Variants in SDK1 observed in about 807,000 individuals in gnomAD.
The protein encoded by SDK1 is protein sidekick-1.
A neutral mutation model predicts 245.5 loss-of-function variants in SDK1; 157 were observed. The observed-to-expected ratio is 0.64, with a 90% CI of 0.56 to 0.73. The LOEUF (loss-of-function observed/expected upper bound fraction) is 0.73. Ranked by LOEUF, SDK1 falls within the 30% of genes least tolerant of loss-of-function variation. SDK1 has a pLI of 0.00. For synonymous variants in SDK1, 1,647 were observed against 1,278.5 expected, an observed-to-expected ratio of 1.29 and a Z score of -6.15; for missense variants, 3,583 against 3,002.3, an observed-to-expected ratio of 1.19 and a Z score of -4.52.
chr7:3,478,390 G>A (rs888842690), intron 1 of SDK1, among the ~76,000 whole-genome samples: 2 of 152,006 alleles, frequency 1.3e-5, no homozygotes, highest in East Asian at 1.9e-4. Context: ...ATAAATGAGA[G>A]CTTCATTTTC....
At chr7:3,310,793 A>T (rs1779531569) in intron 1 of SDK1, among the ~76,000 whole-genome samples, 1 of 152,214 alleles carries the variant, frequency 6.6e-6, no homozygotes, top group African/African-American at 2.4e-5. Context: ...CTTGGCATAA[A>T]ATAAAACAAA....
At chr7:3,685,651 A>T (rs1203633068) in intron 4 of SDK1, among the ~76,000 whole-genome samples, 1 of 152,224 alleles carries the variant, frequency 6.6e-6, no homozygotes, top group East Asian at 1.9e-4. Context: ...TATGTAAAAC[A>T]ATTACATTTT....
chr7:3,952,443 C>T (rs1050003552), intron 7 of SDK1, among the ~76,000 whole-genome samples: 4 of 152,192 alleles, frequency 2.6e-5, no homozygotes, highest in Admixed American at 6.5e-5. Flanking sequence ...ATCAGCTGGG[C>T]GCAGTGGCGG....
At chr7:3,916,770 C>T (rs2128111093) in intron 5 of SDK1, among the ~76,000 whole-genome samples, 1 of 152,242 alleles carries the variant, frequency 6.6e-6, no homozygotes, top group Admixed American at 6.5e-5. Context: ...CTTTACATTA[C>T]CCTTCATTTT....
intron 5 of SDK1, among the ~76,000 whole-genome samples, chr7:3,903,133 T>C (rs368609656): frequency 6.2e-5 from 9 of 145,598 alleles, no homozygotes; most frequent in Non-Finnish European, 1.0e-4. Flanking sequence ...TTGTTTGTGG[T>C]TTTGTTTTTT....
At chr7:3,757,866 C>G (rs1305877333) in intron 4 of SDK1, among the ~76,000 whole-genome samples, 1 of 152,120 alleles carries the variant, frequency 6.6e-6, no homozygotes, top group Admixed American at 6.5e-5. Context: ...AGTTTCTAAT[C>G]AAGGCTTGGT....
chr7:4,058,091 T>A (rs1217541835), intron 19 of SDK1, among the ~76,000 whole-genome samples: 6 of 149,492 alleles, frequency 4.0e-5, no homozygotes, highest in African/African-American at 7.4e-5. Context: ...AGAAAAAAAA[T>A]AAAAAATAAT....
chr7:3,584,522 G>A (rs1379255069), intron 1 of SDK1, among the ~76,000 whole-genome samples: 1 of 152,168 alleles, frequency 6.6e-6, no homozygotes, highest in African/African-American at 2.4e-5. Flanking sequence ...CGCTCCTTGA[G>A]AGTTGAACCT....
At chr7:3,693,190 T>A (rs1192332906) in intron 4 of SDK1, among the ~76,000 whole-genome samples, 10 of 152,158 alleles carry the variant, frequency 6.6e-5, no homozygotes, top group Admixed American at 5.9e-4. Context: ...AATGCTACTT[T>A]GAGACTGTGT....
chr7:3,651,417 A>C (rs914057490), intron 4 of SDK1, among the ~76,000 whole-genome samples: 1 of 152,228 alleles, frequency 6.6e-6, no homozygotes, highest in Non-Finnish European at 1.5e-5. Flanking sequence ...AAATGTGTTC[A>C]TTTATTTGAA....
chr7:3,349,212 CAACAA>C (rs1780591540), intron 1 of SDK1, among the ~76,000 whole-genome samples: 1 of 151,748 alleles, frequency 6.6e-6, no homozygotes, highest in Non-Finnish European at 1.5e-5. Flanking sequence ...AAAAAAAACA[CAACAA>C]AACAAACACA....
chr7:3,502,467 C>T (rs1782247845), intron 1 of SDK1, among the ~76,000 whole-genome samples: 1 of 152,162 alleles, frequency 6.6e-6, no homozygotes, highest in African/African-American at 2.4e-5. Context: ...CCAGGCTGAT[C>T]TTGAACTCCT....
At chr7:3,674,036 A>C (rs1325185612) in intron 4 of SDK1, among the ~76,000 whole-genome samples, 6 of 152,194 alleles carry the variant, frequency 3.9e-5, no homozygotes, top group African/African-American at 1.2e-4. Context: ...AAATGCTTTT[A>C]AGTCTTGAAG....
chr7:3,941,233 A>G (rs1780357141), intron 5 of SDK1, among the ~76,000 whole-genome samples: 1 of 151,822 alleles, frequency 6.6e-6, no homozygotes, highest in South Asian at 2.1e-4. Context: ...CCTCTTAGCA[A>G]CACCCTTGAC....
At chr7:3,949,546 G>T in intron 5 of SDK1, among the ~76,000 whole-genome samples, 1 of 152,318 alleles carries the variant, frequency 6.6e-6, no homozygotes, top group Non-Finnish European at 1.5e-5. Context: ...GTGAAGCCCA[G>T]ATGAAGCGTT....
At position 3,761,781 on chromosome 7, in the gene SDK1, T is replaced by G. The variant is rs58831716; in HGVS notation, c.714-59669T>G. 3.7e-3 allele frequency among the ~76,000 whole-genome samples: 562 copies of G among 152,154 alleles called. 1 individual carries two copies. The highest frequency in any genetic ancestry group is 0.013 in the African/African-American group (544 of 41,512). On this transcript the variant is annotated intron_variant, in intron 4 of 44. Coordinates refer to ENST00000404826, the MANE Select transcript of SDK1 (RefSeq NM_152744.4). Reference sequence around the variant, plus strand: ...ATGAAATCATGCAGGACAGGAACGCTGAGGTTAAATACAAACTGACAACAA... The same window carrying G: ...ATGAAATCATGCAGGACAGGAACGCGGAGGTTAAATACAAACTGACAACAA...
At chr7:3,386,070 C>T (rs897720770) in intron 1 of SDK1, among the ~76,000 whole-genome samples, 2 of 152,008 alleles carry the variant, frequency 1.3e-5, no homozygotes, top group Non-Finnish European at 2.9e-5. Context: ...GAAAATGTTT[C>T]TCTTGACAGG....
intron 1 of SDK1, among the ~76,000 whole-genome samples, chr7:3,423,447 A>G (rs1229489080): frequency 3.3e-5 from 5 of 152,206 alleles, no homozygotes; most frequent in Non-Finnish European, 4.4e-5. Context: ...TTCTTGGGAT[A>G]AGCAGATTTC....
chr7:4,202,748 G>C (rs572121316), intron 35 of SDK1, among the ~76,000 whole-genome samples: 1 of 152,016 alleles, frequency 6.6e-6, no homozygotes, highest in South Asian at 2.1e-4. Flanking sequence ...ATGCCACGTA[G>C]AACCGTTTTG....
Sources: allele counts gnomAD v4.1 joint callset (sites outside exome capture counted in the v4.1 genomes callset), GRCh38; gene constraint gnomAD v4.1.1; transcripts MANE v1.5; gene names NCBI Gene and HGNC (gene_info 2026-07-23, HGNC 2026-07-21).